Variants in SAMD13 observed in about 807,000 individuals in gnomAD.
SAMD13 encodes sterile alpha motif domain containing 13.
A neutral mutation model predicts 12.4 loss-of-function variants in SAMD13; 9 were observed. The observed-to-expected ratio is 0.72, with a 90% CI of 0.44 to 1.26. The LOEUF is 1.26. SAMD13 is among the 50% of genes most tolerant of loss of function. The pLI is 0.00. For missense variants in SAMD13, 84 were observed against 119.6 expected (o/e 0.70, Z 1.39); for synonymous variants, 46 against 45.4 (o/e 1.01, Z -0.05).
chr1:84,349,502 C>A, intron 3 of SAMD13, 129 bp from the exon 4 acceptor site: 1 of 1,447,108 alleles, frequency 6.9e-7, no homozygotes, highest in Non-Finnish European at 9.2e-7. Context: ...CATTTTGGCA[C>A]TACTACAAAT....
upstream of SAMD13, chr1:84,299,606 G>A (rs888494880): frequency 6.9e-5 from 105 of 1,515,928 alleles, no homozygotes; most frequent in Non-Finnish European, 8.9e-5. Context: ...CTTTTTATCA[G>A]CAGAGGATTG....
intron 3 of SAMD13, among the ~76,000 whole-genome samples, chr1:84,343,962 T>C (rs561373530): frequency 6.6e-6 from 1 of 152,316 alleles, no homozygotes; most frequent in East Asian, 1.9e-4. Flanking sequence ...TCTACTATTT[T>C]GAAAAGCCTG....
intron 3 of SAMD13, 100 bp from the exon 4 acceptor site, chr1:84,349,531 G>A (rs1217252901): frequency 1.3e-6 from 2 of 1,502,710 alleles, no homozygotes; most frequent in Non-Finnish European, 1.8e-6. Context: ...TTTAGCTTGG[G>A]CACAAGTGGT....
chr1:84,310,338 C>T (rs1180337650), intron 2 of SAMD13, among the ~76,000 whole-genome samples: 8 of 151,794 alleles, frequency 5.3e-5, no homozygotes, highest in African/African-American at 1.9e-4. Flanking sequence ...ATGAAATACA[C>T]TACTACTAAC....
intron 3 of SAMD13, among the ~76,000 whole-genome samples, chr1:84,348,155 A>G (rs942625337): frequency 3.9e-4 from 60 of 152,222 alleles, no homozygotes; most frequent in African/African-American, 1.4e-3. Flanking sequence ...CTCATAGCTC[A>G]GGGAGCATTT....
At chr1:84,340,342 A>C (rs1006824279) in intron 3 of SAMD13, among the ~76,000 whole-genome samples, 1 of 152,262 alleles carries the variant, frequency 6.6e-6, no homozygotes, top group African/African-American at 2.4e-5. Context: ...GCATAATTCC[A>C]CTTACATGAA....
intron 2 of SAMD13, among the ~76,000 whole-genome samples, chr1:84,304,919 A>T (rs1678534438): frequency 6.6e-6 from 1 of 152,180 alleles, no homozygotes; most frequent in African/African-American, 2.4e-5. Flanking sequence ...TACCATCCAA[A>T]TGATGATAGA....
At chr1:84,325,303 G>A (rs1411663716) in intron 2 of SAMD13, among the ~76,000 whole-genome samples, 1 of 152,110 alleles carries the variant, frequency 6.6e-6, no homozygotes, top group African/African-American at 2.4e-5. Flanking sequence ...GTGTGGGGAT[G>A]GGGCTAGGGA....
At chr1:84,348,084 T>C (rs1570268126) in intron 3 of SAMD13, among the ~76,000 whole-genome samples, 2 of 152,228 alleles carry the variant, frequency 1.3e-5, no homozygotes, top group South Asian at 4.1e-4. Flanking sequence ...GGTTGACAAG[T>C]AAAATGAGGA....
At chr1:84,303,345 T>C (rs1558435015) in intron 2 of SAMD13, 58 bp downstream of exon 2, 3 of 1,420,446 alleles carry the variant, frequency 2.1e-6, no homozygotes, top group Admixed American at 1.7e-5. Context: ...ACTTAGTTTC[T>C]ATTTTCGTAC....
At chr1:84,310,804 C>T (rs75697488) in intron 2 of SAMD13, among the ~76,000 whole-genome samples, 1 of 151,994 alleles carries the variant, frequency 6.6e-6, no homozygotes, top group Non-Finnish European at 1.5e-5. Flanking sequence ...TGATAAGCAA[C>T]AATAAGCTTA....
In SAMD13 at chr1:84,349,720, C is replaced by T. The variant is rs374324643; in HGVS notation, c.255C>T (p.Tyr85=). The T allele has an allele frequency of 6.1e-5, 98 of 1,613,856 alleles. No homozygotes were observed. The highest frequency in any genetic ancestry group is 3.6e-4 in the East Asian group (16 of 44,848). ...QLKLGPALKI[Y]EYHVKPLQTK... ...AATTGGGGCCTGCTCTGAAAATCTA[C>T]GAATATCATGTAAAACCTCTGCAGA... The change falls in exon 4 of 4, where the codon TAC becomes TAT. Residue 85 remains tyrosine, a synonymous_variant. Transcript: ENST00000394834.
At chr1:84,318,098 G>A (rs1678872658) in intron 2 of SAMD13, among the ~76,000 whole-genome samples, 1 of 151,896 alleles carries the variant, frequency 6.6e-6, no homozygotes, top group Non-Finnish European at 1.5e-5. Flanking sequence ...CTAAAGGTTT[G>A]TCAGTTTTGT....
intron 3 of SAMD13, among the ~76,000 whole-genome samples, chr1:84,347,944 T>C (rs1679566724): frequency 6.6e-6 from 1 of 152,192 alleles, no homozygotes; most frequent in South Asian, 2.1e-4. Context: ...TTTTTAATGT[T>C]ATAGTCTCTC....
At chr1:84,298,734 G>C (rs1198339560), upstream of SAMD13, among the ~76,000 whole-genome samples, 4 of 152,312 alleles carry the variant, frequency 2.6e-5, no homozygotes, top group East Asian at 7.7e-4. Flanking sequence ...CCACGGACGT[G>C]GGCTCTCACT....
chr1:84,307,651 A>G (rs1215731404), intron 2 of SAMD13, among the ~76,000 whole-genome samples: 1 of 152,114 alleles, frequency 6.6e-6, no homozygotes, highest in Non-Finnish European at 1.5e-5. Context: ...ATTTCTGTAA[A>G]TATGCTTGAT....
In SAMD13 at chr1:84,334,923, A is replaced by G. The variant is rs1031123763; in HGVS notation, c.165+9175A>G. Among the ~76,000 whole-genome samples, 18 of 152,108 alleles carry G rather than the reference A, an allele frequency of 1.2e-4. 1 individual carries two copies. The highest frequency in any genetic ancestry group is 8.5e-4 in the Admixed American group (13 of 15,266). ...TGTGGTTTGAGAGTACAGTTGGTAT[A>G]ATTTCCCTTTTTTTTAATTTTCTGA... is the stretch of plus-strand genomic sequence containing the variant. On this transcript the variant is annotated intron_variant, in intron 3 of 3. Transcript: ENST00000394834.
intron 2 of SAMD13, among the ~76,000 whole-genome samples, chr1:84,324,572 G>T (rs315556): frequency 0.81 from 123,785 of 152,062 alleles, 51,695 homozygotes; most frequent in Non-Finnish European, 0.92. Context: ...TGTAAGGCCC[G>T]TAAGAATAAG....
intron 2 of SAMD13, 40 bp downstream of exon 2, chr1:84,303,327 A>G: frequency 6.7e-7 from 1 of 1,490,344 alleles, no homozygotes; most frequent in Non-Finnish European, 9.4e-7. Context: ...TCTGCAAACA[A>G]CAGAGGGACT....
Sources: allele counts gnomAD v4.1 joint callset (sites outside exome capture counted in the v4.1 genomes callset), GRCh38; gene constraint gnomAD v4.1.1; transcripts MANE v1.5; gene names NCBI Gene and HGNC (gene_info 2026-07-23, HGNC 2026-07-21).